CSMD1: variants seen among roughly 807,000 people sequenced by gnomAD.
The protein encoded by CSMD1 is CUB and Sushi multiple domains 1.
In CSMD1, 213 loss-of-function variants were observed where a neutral mutation model predicts 417.5. The ratio of observed to expected loss-of-function variants is 0.51; its 90% CI spans 0.46 to 0.57. The LOEUF is 0.57. CSMD1 is among the 20% of genes least tolerant of loss of function. The pLI is 0.00. For synonymous variants in CSMD1, 2,862 were observed against 1,736.8 expected (o/e 1.65, Z -16.11); for missense variants, 6,923 against 4,529.7 (o/e 1.53, Z -15.17).
At chr8:3,010,837 G>A (rs752280741) in intron 52 of CSMD1, among the ~76,000 whole-genome samples, 7 of 150,266 alleles carry the variant, frequency 4.7e-5, no homozygotes, top group Admixed American at 6.7e-5. Flanking sequence ...TCCACCTCCC[G>A]GGTTCACGCG....
chr8:3,253,318 T>C (rs4437669), intron 26 of CSMD1, among the ~76,000 whole-genome samples: 14,761 of 152,260 alleles, frequency 0.097, 910 homozygotes, highest in Non-Finnish European at 0.13. Context: ...GGTCGTTCAG[T>C]TTCCATGTAG....
chr8:4,394,985 G>A (rs1258065556), intron 3 of CSMD1, among the ~76,000 whole-genome samples: 1 of 152,134 alleles, frequency 6.6e-6, no homozygotes, highest in African/African-American at 2.4e-5. Flanking sequence ...GTTAAGAAAG[G>A]GAAGAGGCAC....
chr8:4,662,130 G>A (rs1421949905), intron 1 of CSMD1, among the ~76,000 whole-genome samples: 1 of 152,084 alleles, frequency 6.6e-6, no homozygotes, highest in Non-Finnish European at 1.5e-5. Context: ...CTAATAGATT[G>A]CAGTACAATA....
chr8:4,937,528 G>A (rs1192621235), intron 1 of CSMD1, among the ~76,000 whole-genome samples: 1 of 152,174 alleles, frequency 6.6e-6, no homozygotes, highest in Non-Finnish European at 1.5e-5. Context: ...AAAAACAATG[G>A]CTAGTAACTT....
At chr8:4,726,126 G>A (rs550821948) in intron 1 of CSMD1, among the ~76,000 whole-genome samples, 22 of 152,148 alleles carry the variant, frequency 1.4e-4, no homozygotes, top group Non-Finnish European at 2.4e-4. Context: ...AGGACAAGAC[G>A]TCATCTGGGC....
At chr8:4,105,585 G>C (rs1330402073) in intron 3 of CSMD1, among the ~76,000 whole-genome samples, 1 of 152,150 alleles carries the variant, frequency 6.6e-6, no homozygotes, top group Non-Finnish European at 1.5e-5. Flanking sequence ...TCTATGAGTA[G>C]GTGATGAGGG....
chr8:3,571,303 G>C (rs891054876), intron 10 of CSMD1, among the ~76,000 whole-genome samples: 1 of 152,158 alleles, frequency 6.6e-6, no homozygotes, highest in Non-Finnish European at 1.5e-5. Context: ...GACTTGGATG[G>C]ACAGTAGGCA....
chr8:3,506,449 C>T (rs959688576), intron 10 of CSMD1, among the ~76,000 whole-genome samples: 2 of 152,164 alleles, frequency 1.3e-5, no homozygotes, highest in African/African-American at 4.8e-5. Context: ...CTCACATTCT[C>T]ACCACTGGTC....
At chr8:4,458,659 A>T (rs1799629548) in intron 2 of CSMD1, among the ~76,000 whole-genome samples, 1 of 152,236 alleles carries the variant, frequency 6.6e-6, no homozygotes, top group Admixed American at 6.5e-5. Context: ...GTATTCTCAA[A>T]GGTCCTTGTC....
At chr8:4,709,208 T>G (rs1276123605) in intron 1 of CSMD1, among the ~76,000 whole-genome samples, 1 of 152,164 alleles carries the variant, frequency 6.6e-6, no homozygotes, top group Non-Finnish European at 1.5e-5. Flanking sequence ...GAGGAATTCC[T>G]CGATGGTAGA....
chr8:4,228,654 A>T (rs975350526), intron 3 of CSMD1, among the ~76,000 whole-genome samples: 2 of 146,758 alleles, frequency 1.4e-5, no homozygotes, highest in African/African-American at 5.0e-5. Flanking sequence ...CCATTTGCAG[A>T]TGACTATCGA....
intron 5 of CSMD1, among the ~76,000 whole-genome samples, chr8:3,906,880 G>A (rs1352908351): frequency 6.6e-6 from 1 of 152,162 alleles, no homozygotes; most frequent in Non-Finnish European, 1.5e-5. Flanking sequence ...TTAGTACCAA[G>A]TCTTTCTAGG....
intron 7 of CSMD1, among the ~76,000 whole-genome samples, chr8:3,691,750 G>A (rs1161463316): frequency 6.6e-6 from 1 of 150,580 alleles, no homozygotes; most frequent in African/African-American, 2.4e-5. Context: ...TTGAGAAAAT[G>A]AGGCTCAATA....
At chr8:3,517,730 A>C (rs541357458) in intron 10 of CSMD1, among the ~76,000 whole-genome samples, 1 of 152,314 alleles carries the variant, frequency 6.6e-6, no homozygotes, top group East Asian at 1.9e-4. Context: ...TATAACTCAT[A>C]GGGCTGAGAG....
chr8:4,240,354 C>A lies in CSMD1; in HGVS notation c.415+179599G>T, dbSNP rs189352161. 2.2e-3 allele frequency among the ~76,000 whole-genome samples: 338 copies of A among 152,320 alleles called. 6 individuals carry two copies. The highest frequency in any genetic ancestry group is 0.02 in the Admixed American group (312 of 15,292). On this transcript the variant is annotated intron_variant, in intron 3 of 69. Coordinates refer to ENST00000635120, the MANE Select transcript of CSMD1 (RefSeq NM_033225.6). ...CTGCATCTTTGCTAAAAAGGAAACT[C>A]CTGCATTCTGGCTATGCCCCATTTT...
At chr8:3,956,876 A>C (rs35752398) in intron 5 of CSMD1, among the ~76,000 whole-genome samples, 69,029 of 151,880 alleles carry the variant, frequency 0.45, 16,483 homozygotes, top group East Asian at 0.73. Context: ...GGAATGCTGC[A>C]AATGTACAGG....
intron 6 of CSMD1, among the ~76,000 whole-genome samples, chr8:3,726,486 A>C (rs1283906649): frequency 6.6e-6 from 1 of 152,068 alleles, no homozygotes; most frequent in African/African-American, 2.4e-5. Context: ...GGATGCTTTA[A>C]ACCAGAGATG....
At chr8:3,983,024 T>A (rs1224294491) in intron 5 of CSMD1, among the ~76,000 whole-genome samples, 1 of 151,986 alleles carries the variant, frequency 6.6e-6, no homozygotes, top group East Asian at 1.9e-4. Context: ...CACAGCGGGA[T>A]AAATCATGGG....
At chr8:3,381,132 G>C (rs894855633) in intron 18 of CSMD1, among the ~76,000 whole-genome samples, 2 of 152,064 alleles carry the variant, frequency 1.3e-5, no homozygotes, top group Non-Finnish European at 2.9e-5. Context: ...GTGCTATGAT[G>C]AACAGGGTGC....
Sources: gnomAD v4.1 joint callset for allele counts (sites outside exome capture counted in the v4.1 genomes callset) on GRCh38, gnomAD v4.1.1 for gene constraint, MANE v1.5 for transcripts, NCBI Gene and HGNC (gene_info 2026-07-23, HGNC 2026-07-21) for gene names.